The following USP15 variants were observed in gnomAD, a reference collection of about 807,000 sequenced individuals.
USP15 encodes ubiquitin carboxyl-terminal hydrolase 15.
USP15 carries 18 observed loss-of-function variants against 127.1 expected under a neutral mutation model. That is an observed-to-expected ratio of 0.14 (90% CI 0.10 to 0.21). The LOEUF is 0.21. Ranked by LOEUF, USP15 falls within the 10% of genes least tolerant of loss-of-function variation. USP15 has a pLI of 1.00. For synonymous variants in USP15, 364 were observed against 393.7 expected (o/e 0.92, Z 0.89); for missense variants, 805 against 1,159.9 (o/e 0.69, Z 4.44).
intron 5 of USP15, among the ~76,000 whole-genome samples, chr12:62,323,974 G>GC (rs1456122316): frequency 1.3e-5 from 2 of 149,852 alleles, no homozygotes; most frequent in African/African-American, 4.9e-5. Context: ...AGCCAGAGAA[G>GC]ATAAGTGACA....
chr12:62,295,766 T>G (rs948581572), intron 2 of USP15, among the ~76,000 whole-genome samples: 1 of 152,200 alleles, frequency 6.6e-6, no homozygotes, highest in Non-Finnish European at 1.5e-5. Context: ...AAACTCACTT[T>G]AAATGCAAGA....
rs1039062842 is a variant in USP15 at position 62,409,974 on chromosome 12, C to T, written c.*5599C>T. ...TAACAGACGTAACTCTTTAATGCTC[C>T]TCTGTTCATGATTAAGTATGCTAAG... On this transcript the variant is annotated 3_prime_UTR_variant, in exon 22 of 22. Coordinates refer to ENST00000280377, the MANE Select transcript of USP15 (RefSeq NM_001252078.2). 6.6e-6 allele frequency: 1 copy of T among 151,894 alleles called. No individual in the cohort carries two copies. The highest frequency in any genetic ancestry group is 1.5e-5 in the Non-Finnish European group (1 of 67,982). The allele number at this position is 151,894 out of a possible 1,614,324, so 9.4% of individuals were successfully genotyped here.
At chr12:62,316,210 G>A (rs751923016) in intron 4 of USP15, among the ~76,000 whole-genome samples, 2 of 151,472 alleles carry the variant, frequency 1.3e-5, no homozygotes, top group Admixed American at 6.6e-5. Context: ...TGCTTGAACC[G>A]GGAGGTGGAG....
chr12:62,268,560 T>C, intron 1 of USP15, among the ~76,000 whole-genome samples: 1 of 152,078 alleles, frequency 6.6e-6, no homozygotes, highest in East Asian at 1.9e-4. Context: ...TCCTGCAAAT[T>C]ATTTGCTTTT....
intron 14 of USP15, among the ~76,000 whole-genome samples, chr12:62,390,351 C>A (rs2067284211): frequency 1.3e-5 from 2 of 152,102 alleles, no homozygotes; most frequent in South Asian, 4.1e-4. Flanking sequence ...TCAAATGCTT[C>A]ATTTCTTTAT....
chr12:62,375,989 ATATAT>A (rs1229371778), intron 8 of USP15, among the ~76,000 whole-genome samples: 3 of 152,146 alleles, frequency 2.0e-5, no homozygotes, highest in Non-Finnish European at 2.9e-5. Context: ...AAAGTCTACC[ATATAT>A]TAAATATGAA....
chr12:62,264,966 A>G (rs2063159673), intron 1 of USP15, among the ~76,000 whole-genome samples: 1 of 152,174 alleles, frequency 6.6e-6, no homozygotes, highest in Non-Finnish European at 1.5e-5. Context: ...TGGTGAAAAC[A>G]AGGACAGAGA....
intron 6 of USP15, among the ~76,000 whole-genome samples, chr12:62,329,371 AAAAT>A (rs564543435): frequency 1.8e-4 from 28 of 152,296 alleles, no homozygotes; most frequent in Admixed American, 6.5e-4. Flanking sequence ...ACTCTATCTG[AAAAT>A]AAATAAATAA....
At chr12:62,267,529 C>T (rs74702136) in intron 1 of USP15, among the ~76,000 whole-genome samples, 3,345 of 152,150 alleles carry the variant, frequency 0.022, 122 homozygotes, top group African/African-American at 0.075. Context: ...TTATAGCTCT[C>T]CAAAAAGAAA....
Position 62,317,699 on chromosome 12 carries a change from T to C in USP15, c.475+2783T>C, listed in dbSNP as rs1179185863. Among the ~76,000 whole-genome samples, 5 of 152,296 alleles carry C rather than the reference T, an allele frequency of 3.3e-5. No homozygotes were observed. The East Asian group carries it at 7.7e-4, about 23-fold the overall frequency. ...ATTTTATGAACAGATTTAGGAAATA[T>C]AAGTGTCTGTTTTCTCTTGTTACCA... On this transcript the variant is annotated intron_variant, in intron 4 of 21. Coordinates refer to ENST00000280377, the MANE Select transcript of USP15 (RefSeq NM_001252078.2).
chr12:62,346,019 A>G (rs774028464), intron 6 of USP15, among the ~76,000 whole-genome samples: 2 of 152,190 alleles, frequency 1.3e-5, no homozygotes, highest in Non-Finnish European at 2.9e-5. Context: ...AACCATATCA[A>G]TAGTCAAGTT....
chr12:62,337,833 A>G (rs762041529), intron 6 of USP15, among the ~76,000 whole-genome samples: 1 of 152,168 alleles, frequency 6.6e-6, no homozygotes, highest in Non-Finnish European at 1.5e-5. Flanking sequence ...ATGGCTGCAT[A>G]GTATTCCATG....
chr12:62,356,645 A>G (rs1460151906), intron 8 of USP15, among the ~76,000 whole-genome samples: 3 of 151,870 alleles, frequency 2.0e-5, no homozygotes. Context: ...AGGTTAATAA[A>G]CTCTTCCTTT....
In USP15 at chr12:62,401,175, T is replaced by G; in HGVS notation, c.2675-12T>G. 6.3e-7 allele frequency: 1 copy of G among 1,599,916 alleles called. No individual in the cohort carries two copies. Among genetic ancestry groups the G allele is most frequent in the Non-Finnish European group, 8.5e-7 (1 of 1,170,036 alleles). ...ATCATTTTCGTCACAGTGATTATAT[T>G]TTTTTCATTAGATACTGCTTTTGCA... On this transcript the variant is annotated splice_polypyrimidine_tract_variant and intron_variant, in intron 20 of 21. Transcript: ENST00000280377.
chr12:62,312,700 C>G (rs2064718485), intron 3 of USP15, among the ~76,000 whole-genome samples: 1 of 151,518 alleles, frequency 6.6e-6, no homozygotes, highest in South Asian at 2.1e-4. Context: ...CCCTTCCGAT[C>G]TTATTTCAAA....
At chr12:62,392,431 T>G (rs1442538885) in intron 18 of USP15, 44 bp downstream of exon 18, 8 of 1,426,106 alleles carry the variant, frequency 5.6e-6, no homozygotes, top group Non-Finnish European at 7.7e-6. Flanking sequence ...TCTTTAAGGA[T>G]TTATTCTGAG....
chr12:62,307,419 C>T (rs777172914), intron 3 of USP15, among the ~76,000 whole-genome samples: 4 of 152,144 alleles, frequency 2.6e-5, no homozygotes, highest in Admixed American at 6.6e-5. Flanking sequence ...TTCCTTTGTA[C>T]GTCCTATTTC....
At chr12:62,281,210 A>G (rs1169479165) in intron 1 of USP15, among the ~76,000 whole-genome samples, 1 of 152,120 alleles carries the variant, frequency 6.6e-6, no homozygotes, top group African/African-American at 2.4e-5. Context: ...CTTTTCATTT[A>G]TTTGTCTGTG....
chr12:62,363,468 T>C (rs912713658), intron 8 of USP15, among the ~76,000 whole-genome samples: 1 of 152,124 alleles, frequency 6.6e-6, no homozygotes, highest in African/African-American at 2.4e-5. Flanking sequence ...ATACCTGTAA[T>C]GTTCTTCCTC....
Sources: allele counts gnomAD v4.1 joint callset (sites outside exome capture counted in the v4.1 genomes callset), GRCh38; gene constraint gnomAD v4.1.1; transcripts MANE v1.5; gene names NCBI Gene and HGNC (gene_info 2026-07-23, HGNC 2026-07-21).